The following PKHD1 variants were observed in gnomAD, a reference collection of about 807,000 sequenced individuals.
PKHD1 encodes PKHD1 ciliary IPT domain containing fibrocystin/polyductin.
A neutral mutation model predicts 412.0 loss-of-function variants in PKHD1; 291 were observed. That is an observed-to-expected ratio of 0.71 (90% confidence interval 0.64 to 0.78). PKHD1 has a LOEUF of 0.78. Among genes scored for constraint, PKHD1 ranks in the 30% least tolerant of loss-of-function variants. PKHD1 has a pLI of 0.00. For synonymous variants in PKHD1, 1,777 were observed against 1,821.5 expected, an observed-to-expected ratio of 0.98 and a Z score of 0.62; for missense variants, 4,825 against 4,950.7, an observed-to-expected ratio of 0.97 and a Z score of 0.76.
intron 28 of PKHD1, among the ~76,000 whole-genome samples, chr6:52,035,038 A>C (rs1235783137): frequency 1.3e-5 from 2 of 152,152 alleles, no homozygotes; most frequent in African/African-American, 4.8e-5. Flanking sequence ...CCAGACTCAA[A>C]TCCCTTAATA....
At chr6:51,796,615 CT>C (rs1228985130) in intron 52 of PKHD1, among the ~76,000 whole-genome samples, 5 of 151,936 alleles carry the variant, frequency 3.3e-5, no homozygotes, top group African/African-American at 1.2e-4. Flanking sequence ...ATCTTTCTAG[CT>C]TTTAGATGTG....
chr6:51,918,326 CTCCTAATGCTCTCTT>C (rs928550409), intron 37 of PKHD1, among the ~76,000 whole-genome samples: 1 of 152,022 alleles, frequency 6.6e-6, no homozygotes, highest in African/African-American at 2.4e-5. Flanking sequence ...TTAGGTATTT[CTCCTAATGCTCTCTT>C]TCCCCTTGCC....
chr6:51,740,978 C>T (rs891865603), intron 60 of PKHD1, among the ~76,000 whole-genome samples: 1 of 152,172 alleles, frequency 6.6e-6, no homozygotes, highest in African/African-American at 2.4e-5. Context: ...TATATACCTC[C>T]ATACAGACAT....
intron 60 of PKHD1, among the ~76,000 whole-genome samples, chr6:51,742,069 G>T (rs1014554490): frequency 1.3e-5 from 2 of 152,182 alleles, no homozygotes; most frequent in African/African-American, 4.8e-5. Flanking sequence ...AACACCATTT[G>T]AGTAGATCTA....
chr6:51,767,141 GCA>G (rs1391595889), intron 55 of PKHD1, among the ~76,000 whole-genome samples: 8 of 151,708 alleles, frequency 5.3e-5, no homozygotes, highest in African/African-American at 1.5e-4. Context: ...TAAAAATAAT[GCA>G]TGACTGTGTT....
In PKHD1 at chr6:52,010,382, T is replaced by A. The variant is rs1281923327; in HGVS notation, c.5678A>T (p.Glu1893Val). 3 of 1,611,936 alleles carry A rather than the reference T, an allele frequency of 1.9e-6. No homozygotes were observed. The highest frequency in any genetic ancestry group is 2.5e-6 in the Non-Finnish European group (3 of 1,178,128). ...AATTGGCTGATTGGGCGTCTCACAC[T>A]CCATCTCTGCCTCAGTTTCCATGGT... ...NITMETEAEM[E>V]CETPNQPITV... The change falls in exon 35 of 67, where the codon GAG (glutamate) becomes GTG (valine). Residue 1893 changes from glutamate to valine, a missense_variant. By Grantham distance (121) the Glu-to-Val change is moderately radical (BLOSUM62 -2). Transcript: ENST00000371117.
chr6:51,964,847 A>G (rs1269714633), intron 35 of PKHD1, among the ~76,000 whole-genome samples: 1 of 152,160 alleles, frequency 6.6e-6, no homozygotes, highest in Non-Finnish European at 1.5e-5. Context: ...TCACCCTGAC[A>G]TAAATAACAC....
At position 52,072,197 on chromosome 6, in the gene PKHD1, TAA is replaced by T; in HGVS notation, c.528-10_528-9del. The T allele has an allele frequency of 6.4e-7, 1 of 1,552,150 alleles. No individual in the cohort carries two copies. The highest frequency in any genetic ancestry group is 8.9e-7 in the Non-Finnish European group (1 of 1,126,268). Reference sequence around the variant, plus strand: ...GCTTCCAAGATCACTGGGCTGGATTTAAAAAAAAATGAAAACAAAAGACAAGA... The same window carrying T: ...GCTTCCAAGATCACTGGGCTGGATTTAAAAAAATGAAAACAAAAGACAAGA... On this transcript the variant is annotated splice_polypyrimidine_tract_variant and intron_variant, in intron 7 of 66. Coordinates refer to ENST00000371117, the MANE Select transcript of PKHD1 (RefSeq NM_138694.4).
chr6:51,974,152 T>G (rs1001338421), intron 35 of PKHD1, among the ~76,000 whole-genome samples: 16 of 152,210 alleles, frequency 1.1e-4, no homozygotes, highest in Admixed American at 7.9e-4. Context: ...GACCTTCTGA[T>G]AGCCCCCTCT....
At chr6:51,823,272 C>T (rs1465119048) in intron 52 of PKHD1, among the ~76,000 whole-genome samples, 3 of 152,076 alleles carry the variant, frequency 2.0e-5, no homozygotes, top group South Asian at 4.2e-4. Flanking sequence ...GATGGGAGCA[C>T]ATACCAAAAT....
chr6:51,646,109 G>T (rs930560180), intron 63 of PKHD1, among the ~76,000 whole-genome samples: 1 of 152,164 alleles, frequency 6.6e-6, no homozygotes, highest in Non-Finnish European at 1.5e-5. Context: ...AAATATAGGA[G>T]ATGATTTTTA....
intron 29 of PKHD1, among the ~76,000 whole-genome samples, chr6:52,030,076 T>C (rs1802812718): frequency 6.6e-6 from 1 of 152,204 alleles, no homozygotes; most frequent in African/African-American, 2.4e-5. Flanking sequence ...AAAGCATCTC[T>C]AGCTCCTTTA....
At chr6:51,869,221 C>A (rs1247258459) in intron 47 of PKHD1, among the ~76,000 whole-genome samples, 1 of 152,110 alleles carries the variant, frequency 6.6e-6, no homozygotes. Context: ...TTCCCAAGCA[C>A]AACTTACTTC....
chr6:52,004,271 CT>C (rs1798787682), intron 35 of PKHD1, among the ~76,000 whole-genome samples: 1 of 152,086 alleles, frequency 6.6e-6, no homozygotes, highest in African/African-American at 2.4e-5. Context: ...AAGGCCCAAT[CT>C]AATATTATCT....
chr6:52,020,648 C>T (rs968116763), intron 33 of PKHD1, among the ~76,000 whole-genome samples: 2 of 152,196 alleles, frequency 1.3e-5, no homozygotes, highest in African/African-American at 2.4e-5. Context: ...AAGAACCACC[C>T]GCTGATTAAG....
At chr6:51,749,743 G>A (rs1031040423) in intron 57 of PKHD1, among the ~76,000 whole-genome samples, 11 of 152,074 alleles carry the variant, frequency 7.2e-5, no homozygotes, top group East Asian at 5.8e-4. Flanking sequence ...ATGAGAAGCC[G>A]CACTATTAAC....
Position 51,659,899 on chromosome 6 carries a change from G to A in PKHD1, c.10227C>T (p.Asp3409=). 1 of 1,612,528 alleles carries A rather than the reference G, an allele frequency of 6.2e-7. No homozygotes were observed. Among genetic ancestry groups the A allele is most frequent in the Non-Finnish European group, 8.5e-7 (1 of 1,178,794 alleles). The stretch of plus-strand genomic sequence containing the variant: ...CGCTATCAAGAATTAGGACCACTTG[G>A]TCAGTCTGTTTGCAGATGAATCCTT... ...LMQGFICKQT[D]QVVLILDSAD... The change falls in exon 61 of 67, where the codon GAC becomes GAT. Residue 3409 remains aspartate (D), a synonymous_variant. Transcript: ENST00000371117.
At chr6:51,794,640 T>G (rs1421362278) in intron 52 of PKHD1, among the ~76,000 whole-genome samples, 2 of 152,206 alleles carry the variant, frequency 1.3e-5, no homozygotes, top group Admixed American at 1.3e-4. Context: ...TTCCAGGGTT[T>G]TTATGGTTGT....
intron 55 of PKHD1, among the ~76,000 whole-genome samples, chr6:51,758,051 AG>A (rs1373104983): frequency 1.9e-3 from 273 of 147,028 alleles, no homozygotes; most frequent in African/African-American, 6.8e-3. Flanking sequence ...AGAGAGAGAG[AG>A]AAAACAAAGC....
Sources: allele counts gnomAD v4.1 joint callset (sites outside exome capture counted in the v4.1 genomes callset), GRCh38; gene constraint gnomAD v4.1.1; transcripts MANE v1.5; gene names NCBI Gene and HGNC (gene_info 2026-07-23, HGNC 2026-07-21).